The following GALNT13 variants were observed in gnomAD, a reference collection of about 807,000 sequenced individuals.
GALNT13 encodes polypeptide N-acetylgalactosaminyltransferase 13.
A neutral mutation model predicts 64.2 loss-of-function variants in GALNT13; 28 were observed. That is an observed-to-expected ratio of 0.44 (90% CI 0.32 to 0.60). The LOEUF is 0.60. GALNT13 is among the 20% of genes least tolerant of loss of function. GALNT13 has a pLI of 0.05. For missense variants in GALNT13, 577 were observed against 669.8 expected, an observed-to-expected ratio of 0.86 and a Z score of 1.53; for synonymous variants, 214 against 224.6, an observed-to-expected ratio of 0.95 and a Z score of 0.42.
chr2:153,301,581 A>T, the GALNT13 span, among the ~76,000 whole-genome samples: 3 of 152,096 alleles, frequency 2.0e-5, no homozygotes, highest in Admixed American at 6.6e-5. Flanking sequence ...ATTTTTAAGA[A>T]TACGATATGT....
At chr2:153,190,650 T>C in the GALNT13 span, among the ~76,000 whole-genome samples, 71 of 152,178 alleles carry the variant, frequency 4.7e-4, no homozygotes, top group South Asian at 3.5e-3. Flanking sequence ...CTGCATTGAA[T>C]CTATAGGTTG....
intron 4 of GALNT13, among the ~76,000 whole-genome samples, chr2:154,145,849 A>G (rs909668915): frequency 6.6e-6 from 1 of 152,010 alleles, no homozygotes; most frequent in African/African-American, 2.4e-5. Context: ...TGCCTTTCCC[A>G]TGAATTAAAA....
chr2:153,769,640 A>C, the GALNT13 span, among the ~76,000 whole-genome samples: 13 of 152,248 alleles, frequency 8.5e-5, no homozygotes, highest in Non-Finnish European at 1.5e-5. Flanking sequence ...AAAAGCCAAG[A>C]GATTTTTCCT....
the GALNT13 span, among the ~76,000 whole-genome samples, chr2:153,426,523 C>G: frequency 6.6e-6 from 1 of 151,896 alleles, no homozygotes; most frequent in African/African-American, 2.4e-5. Context: ...TTTACGGTCT[C>G]AAGAAGAGAA....
chr2:154,296,826 T>C (rs1692953488), intron 8 of GALNT13, among the ~76,000 whole-genome samples: 1 of 152,234 alleles, frequency 6.6e-6, no homozygotes, highest in East Asian at 1.9e-4. Flanking sequence ...AATGTGTAGG[T>C]TTGTTACATA....
chr2:153,224,583 A>G, the GALNT13 span, among the ~76,000 whole-genome samples: 5 of 152,236 alleles, frequency 3.3e-5, no homozygotes, highest in African/African-American at 7.2e-5. Context: ...CTATGTAAAA[A>G]TCAACAAAAT....
At chr2:153,227,782 TA>T in the GALNT13 span, among the ~76,000 whole-genome samples, 6 of 152,292 alleles carry the variant, frequency 3.9e-5, no homozygotes, top group South Asian at 2.1e-4. Context: ...AACAAGTTAA[TA>T]AAAAATTCTG....
At chr2:154,250,821 T>C (rs1690029562) in intron 7 of GALNT13, among the ~76,000 whole-genome samples, 1 of 152,032 alleles carries the variant, frequency 6.6e-6, no homozygotes, top group Non-Finnish European at 1.5e-5. Flanking sequence ...CAGAAATAGA[T>C]ATCACCAAAG....
intron 3 of GALNT13, among the ~76,000 whole-genome samples, chr2:154,118,120 A>G (rs1431621701): frequency 6.6e-6 from 1 of 152,050 alleles, no homozygotes; most frequent in Non-Finnish European, 1.5e-5. Context: ...TTGAAGTCCC[A>G]CCTTGTTATT....
At chr2:153,697,830 CACTT>C in the GALNT13 span, among the ~76,000 whole-genome samples, 1 of 152,112 alleles carries the variant, frequency 6.6e-6, no homozygotes, top group East Asian at 1.9e-4. Flanking sequence ...TTTTAACACT[CACTT>C]GCATTTGCCA....
intron 2 of GALNT13, among the ~76,000 whole-genome samples, chr2:153,917,752 C>T (rs761004864): frequency 3.9e-5 from 6 of 152,050 alleles, no homozygotes; most frequent in Non-Finnish European, 8.8e-5. Flanking sequence ...TGCCAGGCAA[C>T]CTTAGTCAGT....
chr2:153,774,109 A>G, the GALNT13 span, among the ~76,000 whole-genome samples: 1 of 152,012 alleles, frequency 6.6e-6, no homozygotes, highest in Non-Finnish European at 1.5e-5. Flanking sequence ...TGAAATACAT[A>G]TTCATGTTTT....
rs150863962 is a variant in GALNT13 at position 153,926,719 on chromosome 2, G to A, written c.-104-17675G>A. On this transcript the variant is annotated intron_variant, in intron 2 of 12. Coordinates refer to ENST00000392825, the MANE Select transcript of GALNT13 (RefSeq NM_052917.4). ...TGGGTCTGTTGGTCTATATTTGCAC[G>A]GTTTTCATGACTGTATGCGTGCCAT... Among the ~76,000 whole-genome samples the A allele has an allele frequency of 1.2e-3, 183 of 152,146 alleles. 1 individual carries two copies. The highest frequency in any genetic ancestry group is 6.8e-3 in the Middle Eastern group (2 of 292).
upstream of GALNT13, among the ~76,000 whole-genome samples, chr2:153,868,322 A>G (rs567488626): frequency 1.7e-4 from 26 of 152,206 alleles, no homozygotes; most frequent in Non-Finnish European, 3.7e-4. Context: ...CAAAGGAGGT[A>G]AGCAGAGCCC....
At chr2:153,356,789 C>CTTTTTTTTTTTT in the GALNT13 span, among the ~76,000 whole-genome samples, 2 of 104,904 alleles carry the variant, frequency 1.9e-5, 1 homozygote. Context: ...TCTTCTTCCT[C>CTTTTTTTTTTTT]TTTTTTTTTT....
intron 12 of GALNT13, among the ~76,000 whole-genome samples, chr2:154,439,689 G>C (rs1309580873): frequency 6.6e-6 from 1 of 152,062 alleles, no homozygotes; most frequent in African/African-American, 2.4e-5. Context: ...TTTGAATGTC[G>C]TTTTAATATT....
chr2:153,409,719 G>T, the GALNT13 span, among the ~76,000 whole-genome samples: 2 of 151,992 alleles, frequency 1.3e-5, no homozygotes, highest in Non-Finnish European at 2.9e-5. Flanking sequence ...AAAGAACTGC[G>T]TAGTATTAAT....
At chr2:154,386,798 T>G (rs1698534215) in intron 9 of GALNT13, among the ~76,000 whole-genome samples, 1 of 152,086 alleles carries the variant, frequency 6.6e-6, no homozygotes, top group South Asian at 2.1e-4. Flanking sequence ...TTTCCCATAT[T>G]CTCAATGATC....
chr2:153,778,451 G>A, the GALNT13 span, among the ~76,000 whole-genome samples: 1 of 152,250 alleles, frequency 6.6e-6, no homozygotes, highest in East Asian at 1.9e-4. Context: ...TCATTTTAAA[G>A]AACCATGCCC....
Sources: allele counts gnomAD v4.1 joint callset (sites outside exome capture counted in the v4.1 genomes callset), GRCh38; gene constraint gnomAD v4.1.1; transcripts MANE v1.5; gene names NCBI Gene and HGNC (gene_info 2026-07-23, HGNC 2026-07-21).